GRM8: variants seen among roughly 807,000 people sequenced by gnomAD.
GRM8 encodes the protein metabotropic glutamate receptor 8.
A neutral mutation model predicts 87.2 loss-of-function variants in GRM8; 47 were observed. That is an observed-to-expected ratio of 0.54 (90% CI 0.43 to 0.69). The LOEUF (loss-of-function observed/expected upper bound fraction) is 0.69. Among genes scored for constraint, GRM8 ranks in the 30% least tolerant of loss-of-function variants. The pLI is 0.00. For missense variants in GRM8, 1,019 were observed against 1,139.2 expected, an observed-to-expected ratio of 0.89 and a Z score of 1.52; for synonymous variants, 396 against 404.5, an observed-to-expected ratio of 0.98 and a Z score of 0.25.
At chr7:127,212,434 T>C (rs17868708) in intron 2 of GRM8, among the ~76,000 whole-genome samples, 2 of 132,388 alleles carry the variant, frequency 1.5e-5, no homozygotes, top group Non-Finnish European at 3.4e-5. Context: ...TTTTTTTTTT[T>C]TGAGACGGAG....
chr7:126,675,928 T>C (rs1161138917), intron 7 of GRM8, among the ~76,000 whole-genome samples: 1 of 152,102 alleles, frequency 6.6e-6, no homozygotes, highest in African/African-American at 2.4e-5. Context: ...GTCATCCAAA[T>C]AGGAAAAGAG....
At chr7:127,157,768 G>T (rs11563488) in intron 2 of GRM8, among the ~76,000 whole-genome samples, 1 of 152,012 alleles carries the variant, frequency 6.6e-6, no homozygotes, top group Non-Finnish European at 1.5e-5. Flanking sequence ...TTTATAGTAC[G>T]ATACCACTGA....
At chr7:126,567,455 G>GT (rs1489290200) in intron 8 of GRM8, among the ~76,000 whole-genome samples, 1 of 152,066 alleles carries the variant, frequency 6.6e-6, no homozygotes, top group South Asian at 2.1e-4. Flanking sequence ...TATACCTAAT[G>GT]TAAATGATAA....
intron 6 of GRM8, among the ~76,000 whole-genome samples, chr7:126,864,369 T>A (rs1052446899): frequency 6.6e-6 from 1 of 152,158 alleles, no homozygotes. Flanking sequence ...AGATTTTTTT[T>A]ATTCTATCCT....
At chr7:126,557,438 C>G (rs1793273422) in intron 8 of GRM8, among the ~76,000 whole-genome samples, 1 of 152,194 alleles carries the variant, frequency 6.6e-6, no homozygotes, top group Non-Finnish European at 1.5e-5. Context: ...CACTTCTTTG[C>G]TGCTTCTGTT....
chr7:127,033,213 AC>A (rs1373505602), intron 3 of GRM8, among the ~76,000 whole-genome samples: 2 of 151,966 alleles, frequency 1.3e-5, no homozygotes, highest in East Asian at 3.9e-4. Context: ...GACCTACGTA[AC>A]ATATGCTTTA....
At chr7:126,987,637 T>G (rs911140759) in intron 3 of GRM8, among the ~76,000 whole-genome samples, 1 of 151,542 alleles carries the variant, frequency 6.6e-6, no homozygotes, top group East Asian at 1.9e-4. Flanking sequence ...ATTTTTTGTA[T>G]TTTTTTTAGT....
intron 7 of GRM8, among the ~76,000 whole-genome samples, chr7:126,712,560 C>T (rs1313433826): frequency 1.3e-5 from 2 of 152,102 alleles, no homozygotes; most frequent in African/African-American, 4.8e-5. Flanking sequence ...AAACATGGTA[C>T]ACCAAAAGCA....
At chr7:126,971,648 T>G (rs1019220618) in intron 3 of GRM8, among the ~76,000 whole-genome samples, 6 of 152,154 alleles carry the variant, frequency 3.9e-5, no homozygotes, top group African/African-American at 1.2e-4. Flanking sequence ...AGGAGGGCTA[T>G]GAGTCCATGA....
Position 127,004,670 on chromosome 7 carries a change from C to G in GRM8, c.728-99987G>C, listed in dbSNP as rs540041671. 2.0e-5 allele frequency among the ~76,000 whole-genome samples: 3 copies of G among 151,556 alleles called. No homozygotes were observed. In the Admixed American group the frequency reaches 2.0e-4, roughly 10 times the overall value. ...TTAAGGATGAAGAAAAATAACTTGG[C>G]TATCAGTTCTTGCTATCCATCCTTT... On this transcript the variant is annotated intron_variant, in intron 3 of 10. Coordinates refer to ENST00000339582, the MANE Select transcript of GRM8 (RefSeq NM_000845.3).
At chr7:126,725,543 A>G (rs1563127840) in intron 7 of GRM8, among the ~76,000 whole-genome samples, 2 of 152,210 alleles carry the variant, frequency 1.3e-5, no homozygotes. Flanking sequence ...AGAAACAAGG[A>G]ATGACCTAGA....
chr7:127,150,842 T>G (rs1258203024), intron 2 of GRM8, among the ~76,000 whole-genome samples: 3 of 152,054 alleles, frequency 2.0e-5, no homozygotes, highest in African/African-American at 4.8e-5. Context: ...AAGCCCAGAA[T>G]TAGAGAAACC....
chr7:127,153,255 A>G (rs756214075), intron 2 of GRM8, among the ~76,000 whole-genome samples: 33 of 152,130 alleles, frequency 2.2e-4, no homozygotes, highest in Non-Finnish European at 4.4e-5. Flanking sequence ...AAGAAGTTAC[A>G]GCTAATCCAA....
At chr7:126,807,016 CGA>C (rs1343641468) in intron 6 of GRM8, among the ~76,000 whole-genome samples, 2 of 152,228 alleles carry the variant, frequency 1.3e-5, no homozygotes, top group African/African-American at 4.8e-5. Context: ...AACAAGGAAC[CGA>C]GAGTGAGCGA....
At chr7:127,100,575 G>A (rs1027637254) in intron 3 of GRM8, among the ~76,000 whole-genome samples, 4 of 152,220 alleles carry the variant, frequency 2.6e-5, no homozygotes, top group Non-Finnish European at 4.4e-5. Context: ...AGTTCCACAT[G>A]GCTGGGGGTG....
At chr7:126,766,258 G>A (rs1447044889) in intron 7 of GRM8, among the ~76,000 whole-genome samples, 3 of 152,174 alleles carry the variant, frequency 2.0e-5, no homozygotes, top group African/African-American at 7.2e-5. Flanking sequence ...ACTGTCTGAT[G>A]AGCTTCCAGT....
intron 9 of GRM8, among the ~76,000 whole-genome samples, chr7:126,498,409 T>TG (rs1384245042): frequency 2.6e-5 from 4 of 151,980 alleles, no homozygotes; most frequent in Non-Finnish European, 5.9e-5. Context: ...TATTAGCCTT[T>TG]GACCCATGAC....
chr7:126,735,626 T>C (rs572433656), intron 7 of GRM8, among the ~76,000 whole-genome samples: 2 of 152,092 alleles, frequency 1.3e-5, no homozygotes, highest in Non-Finnish European at 2.9e-5. Flanking sequence ...AAGGACGCCA[T>C]GTTGTTACCG....
chr7:127,209,486 C>T (rs1307407529), intron 2 of GRM8, among the ~76,000 whole-genome samples: 2 of 152,334 alleles, frequency 1.3e-5, no homozygotes, highest in African/African-American at 4.8e-5. Flanking sequence ...TGACTTGCCA[C>T]CGCCCTCACT....
Sources: allele counts gnomAD v4.1 joint callset (sites outside exome capture counted in the v4.1 genomes callset), GRCh38; gene constraint gnomAD v4.1.1; transcripts MANE v1.5; gene names NCBI Gene and HGNC (gene_info 2026-07-23, HGNC 2026-07-21).